The following YJU2B variants were observed in gnomAD, a reference collection of about 807,000 sequenced individuals.
YJU2B encodes probable splicing factor YJU2B.
YJU2B carries 18 observed loss-of-function variants against 38.0 expected under a neutral mutation model. That is an observed-to-expected ratio of 0.47 (90% CI 0.33 to 0.70). The LOEUF (loss-of-function observed/expected upper bound fraction) is 0.70, where lower values mean the gene tolerates loss of function less well. Ranked by LOEUF, YJU2B falls within the 30% of genes least tolerant of loss-of-function variation. YJU2B has a pLI of 0.02. For missense variants in YJU2B, 538 were observed against 556.3 expected, an observed-to-expected ratio of 0.97 and a Z score of 0.33; for synonymous variants, 246 against 225.4, an observed-to-expected ratio of 1.09 and a Z score of -0.82.
At chr19:13,742,294 CTTTTTTTTTTTTTT>C (rs552865402) in intron 2 of YJU2B, among the ~76,000 whole-genome samples, 1 of 111,976 alleles carries the variant, frequency 8.9e-6, no homozygotes, top group Non-Finnish European at 1.7e-5. Flanking sequence ...TTGAGTCCCA[CTTTTTTTTTTTTTT>C]TTTTTTTTTT....
chr19:13,757,727 AC>A, intron 5 of YJU2B, 58 bp from the exon 6 acceptor site: 2 of 1,519,634 alleles, frequency 1.3e-6, no homozygotes, highest in Non-Finnish European at 1.8e-6. Flanking sequence ...ACCTCATTTT[AC>A]CCATCTGCAA....
chr19:13,734,630 C>T (rs192138096), intron 2 of YJU2B, among the ~76,000 whole-genome samples: 134 of 152,198 alleles, frequency 8.8e-4, no homozygotes, highest in African/African-American at 2.8e-3. Context: ...ACTCTACCAC[C>T]CAGCCTGGAG....
At chr19:13,740,568 C>T (rs1973066841) in intron 2 of YJU2B, among the ~76,000 whole-genome samples, 3 of 150,962 alleles carry the variant, frequency 2.0e-5, no homozygotes, top group Admixed American at 2.0e-4. Flanking sequence ...GATGGAGTCT[C>T]GCTCTGTCAC....
upstream of YJU2B, among the ~76,000 whole-genome samples, chr19:13,745,590 G>T (rs1180576033): frequency 6.6e-6 from 1 of 151,662 alleles, no homozygotes; most frequent in African/African-American, 2.4e-5. Flanking sequence ...GGTGGAGGTT[G>T]CGGTGAGCCA....
intron 2 of YJU2B, among the ~76,000 whole-genome samples, chr19:13,752,158 T>G (rs1467535555): frequency 6.6e-6 from 1 of 151,834 alleles, no homozygotes; most frequent in Non-Finnish European, 1.5e-5. Flanking sequence ...TTTTGCCATG[T>G]TGGTCAGGCT....
chr19:13,758,309 C>A (rs181934902), intron 6 of YJU2B, among the ~76,000 whole-genome samples: 11 of 152,274 alleles, frequency 7.2e-5, no homozygotes, highest in African/African-American at 2.6e-4. Flanking sequence ...CAAGGTGGGC[C>A]CTGCTGGGAC....
At chr19:13,750,334 C>G (rs1973408683) in intron 1 of YJU2B, among the ~76,000 whole-genome samples, 2 of 152,082 alleles carry the variant, frequency 1.3e-5, no homozygotes, top group Non-Finnish European at 2.9e-5. Context: ...TTGAGCCATT[C>G]TCCTGCCTCA....
At chr19:13,758,753 C>G (rs1035796278) in intron 6 of YJU2B, 115 bp from the exon 7 acceptor site, 6 of 1,261,560 alleles carry the variant, frequency 4.8e-6, no homozygotes, top group African/African-American at 4.5e-5. Context: ...ACAGTGGGTG[C>G]TCAGTGAATT....
rs554983390 is a variant in YJU2B at position 13,756,577 on chromosome 19, C to T, written c.140+298C>T. Among the ~76,000 whole-genome samples, 46 of 152,252 alleles carry T rather than the reference C, an allele frequency of 3.0e-4. No individual in the cohort carries two copies. In the South Asian group the frequency reaches 9.1e-3, roughly 30 times the overall value. ...TCAGAGTTGGCTGGCTGGGGACTGG[C>T]TGGTTTAGCAGGGACTTGACCTGTA... On this transcript the variant is annotated intron_variant, in intron 4 of 9. Coordinates refer to ENST00000221554, the MANE Select transcript of YJU2B (RefSeq NM_030818.4).
upstream of YJU2B, among the ~76,000 whole-genome samples, chr19:13,746,989 G>T (rs1973269764): frequency 6.6e-6 from 1 of 152,012 alleles, no homozygotes; most frequent in Non-Finnish European, 1.5e-5. Flanking sequence ...GGGAGGGTAA[G>T]GGGAGAAATT....
chr19:13,753,646 C>T (rs1973556768), intron 2 of YJU2B, among the ~76,000 whole-genome samples: 1 of 148,632 alleles, frequency 6.7e-6, no homozygotes, highest in Non-Finnish European at 1.5e-5. Context: ...GTTTAATTGA[C>T]TCACAGTTCA....
chr19:13,739,012 C>T (rs998612559), intron 2 of YJU2B, among the ~76,000 whole-genome samples: 1 of 151,782 alleles, frequency 6.6e-6, no homozygotes, highest in Non-Finnish European at 1.5e-5. Flanking sequence ...GGCAGTGAGC[C>T]GAGATTGCAC....
At chr19:13,755,478 AT>A (rs1973631208) in intron 3 of YJU2B, among the ~76,000 whole-genome samples, 5 of 144,210 alleles carry the variant, frequency 3.5e-5, no homozygotes, top group South Asian at 2.2e-4. Context: ...AAAAAAAAAA[AT>A]AAGGTGATGC....
intron 2 of YJU2B, among the ~76,000 whole-genome samples, chr19:13,739,565 C>T (rs1973040816): frequency 6.6e-6 from 1 of 152,160 alleles, no homozygotes; most frequent in Non-Finnish European, 1.5e-5. Context: ...CTCCCTGATA[C>T]TGGCACCACT....
chr19:13,751,849 C>G, intron 2 of YJU2B, 38 bp downstream of exon 2: 1 of 1,611,168 alleles, frequency 6.2e-7, no homozygotes, highest in Non-Finnish European at 8.5e-7. Flanking sequence ...GTTTCTCTCC[C>G]AGTCTTTGTA....
intron 2 of YJU2B, among the ~76,000 whole-genome samples, chr19:13,741,237 C>G (rs546596199): frequency 6.7e-6 from 1 of 149,956 alleles, no homozygotes; most frequent in East Asian, 2.0e-4. Context: ...TCACTGCAAC[C>G]TCTGCCTCCT....
chr19:13,751,723 C>T lies in YJU2B; in HGVS notation c.-86C>T. Reference sequence around the variant, plus strand: ...CCTGTGGACCCTCTGCCAGGCTCCACAAGAGGTCAGGACAGTGCAGTGTGT... The same window carrying T: ...CCTGTGGACCCTCTGCCAGGCTCCATAAGAGGTCAGGACAGTGCAGTGTGT... On this transcript the variant is annotated 5_prime_UTR_variant, in exon 2 of 10. Transcript: ENST00000221554. The T allele has an allele frequency of 1.4e-6, 2 of 1,450,406 alleles. No homozygotes were observed. The highest frequency in any genetic ancestry group is 1.9e-6 in the Non-Finnish European group (2 of 1,033,526). 89.8% of individuals were successfully genotyped at this position (1,450,406 alleles called of 1,614,324 possible).
Position 13,755,986 on chromosome 19 carries a change from G to A in YJU2B, c.58-211G>A, listed in dbSNP as rs139519118. 5.3e-3 allele frequency among the ~76,000 whole-genome samples: 803 copies of A among 152,170 alleles called. 9 individuals carry two copies. Among genetic ancestry groups the A allele is most frequent in the African/African-American group, 0.018 (760 of 41,518 alleles). On this transcript the variant is annotated intron_variant, in intron 3 of 9. Transcript: ENST00000221554. The stretch of plus-strand genomic sequence containing the variant: ...AAAATAAATAAATAAATAAGAGAGG[G>A]ACTATTCAAACTCACGTTCCTGGTT...
upstream of YJU2B, among the ~76,000 whole-genome samples, chr19:13,745,676 T>TAGATAGATAGATAGAC (rs1973213096): frequency 5.5e-5 from 5 of 90,366 alleles, no homozygotes; most frequent in South Asian, 1.9e-3. Flanking sequence ...GATAGATAGA[T>TAGATAGATAGATAGAC]AGATAGATAG....
Sources: gnomAD v4.1 joint callset for allele counts (sites outside exome capture counted in the v4.1 genomes callset) on GRCh38, gnomAD v4.1.1 for gene constraint, MANE v1.5 for transcripts, NCBI Gene and HGNC (gene_info 2026-07-23, HGNC 2026-07-21) for gene names.